Variants in IPCEF1 observed in about 807,000 individuals in gnomAD.
The protein encoded by IPCEF1 is interactor protein for cytohesin exchange factors 1.
IPCEF1 carries 31 observed loss-of-function variants against 50.9 expected under a neutral mutation model. The observed-to-expected ratio is 0.61, with a 90% CI of 0.46 to 0.82. The LOEUF is 0.82. Among genes scored for constraint, IPCEF1 ranks in the 40% least tolerant of loss-of-function variants. The pLI is 0.00. For synonymous variants in IPCEF1, 181 were observed against 192.0 expected (o/e 0.94, Z 0.47); for missense variants, 458 against 514.0 (o/e 0.89, Z 1.05).
chr6:154,223,523 C>T (rs770663090), intron 5 of IPCEF1, among the ~76,000 whole-genome samples: 3 of 149,654 alleles, frequency 2.0e-5, no homozygotes, highest in African/African-American at 7.5e-5. Context: ...CTGTCTCCAC[C>T]GGCCTCCTGT....
At chr6:154,310,282 C>G (rs1276733017) in intron 1 of IPCEF1, among the ~76,000 whole-genome samples, 1 of 152,206 alleles carries the variant, frequency 6.6e-6, no homozygotes, top group East Asian at 1.9e-4. Context: ...TGCTGAACAT[C>G]ACTAACCATC....
intron 1 of IPCEF1, among the ~76,000 whole-genome samples, chr6:154,322,538 C>T (rs1273631388): frequency 2.0e-5 from 3 of 151,796 alleles, no homozygotes; most frequent in Non-Finnish European, 2.9e-5. Flanking sequence ...GGTAAAACTG[C>T]CTCCTAAAGA....
intron 1 of IPCEF1, among the ~76,000 whole-genome samples, chr6:154,353,245 G>A (rs1479296448): frequency 1.3e-5 from 2 of 150,070 alleles, no homozygotes; most frequent in African/African-American, 2.4e-5. Flanking sequence ...GTTGGTGGAA[G>A]ATTTAAGGAG....
At chr6:154,290,423 C>G (rs1782484368) in intron 1 of IPCEF1, among the ~76,000 whole-genome samples, 1 of 152,212 alleles carries the variant, frequency 6.6e-6, no homozygotes, top group Non-Finnish European at 1.5e-5. Context: ...GTACTTGGAT[C>G]TCTCAAGTTG....
At chr6:154,197,518 A>C (rs1776711138) in intron 10 of IPCEF1, among the ~76,000 whole-genome samples, 1 of 152,234 alleles carries the variant, frequency 6.6e-6, no homozygotes, top group African/African-American at 2.4e-5. Context: ...TACCAAGAGG[A>C]ATACTGTCAC....
In IPCEF1 at chr6:154,174,346, C is replaced by A. The variant is rs1227795914; in HGVS notation, c.911-6233G>T. Among the ~76,000 whole-genome samples, 10 of 152,198 alleles carry A rather than the reference C, an allele frequency of 6.6e-5. No individual in the cohort carries two copies. The East Asian group carries it at 1.9e-3, about 29-fold the overall frequency. On this transcript the variant is annotated intron_variant, in intron 10 of 11. Transcript: ENST00000367220. The stretch of plus-strand genomic sequence containing the variant: ...AATATTAACCTTAAATGTAAATGGG[C>A]TAAATGTCCCAATTAAAAGACACGG...
chr6:154,300,728 C>G (rs1782770316), intron 1 of IPCEF1, among the ~76,000 whole-genome samples: 1 of 152,182 alleles, frequency 6.6e-6, no homozygotes, highest in Non-Finnish European at 1.5e-5. Flanking sequence ...ACACCAGATT[C>G]CCCATGGGCT....
chr6:154,202,882 C>G (rs1777184752), intron 9 of IPCEF1, among the ~76,000 whole-genome samples: 1 of 152,048 alleles, frequency 6.6e-6, no homozygotes, highest in Admixed American at 6.6e-5. Context: ...ATAGAAGAAA[C>G]ACGAAGACTT....
Position 154,199,899 on chromosome 6 carries a change from T to C in IPCEF1, c.679A>G (p.Asn227Asp), listed in dbSNP as rs200521250. ...TCATCTTCAGCAGCAGACAAACTGT[T>C]AACTGTGTCAGGCAAGGATTGTCTC... The part of the protein sequence containing the change: ...KERQSLPDTV[N>D]SLSAAEDEGQ... The change falls in exon 10 of 12, where the codon AAC becomes GAC. Residue 227 changes from asparagine to aspartate, a missense_variant. Asn to Asp is a conservative substitution (Grantham distance 23). Transcript: ENST00000367220. 9 of 1,614,180 alleles carry C rather than the reference T, an allele frequency of 5.6e-6. No homozygotes were observed. The African/African-American group carries it at 1.1e-4, about 19-fold the overall frequency.
chr6:154,254,416 A>G (rs1056963218), intron 3 of IPCEF1, among the ~76,000 whole-genome samples: 1 of 152,198 alleles, frequency 6.6e-6, no homozygotes, highest in Admixed American at 6.5e-5. Flanking sequence ...AGAGAGAAGC[A>G]GGAAGCACCA....
At chr6:154,224,380 A>C (rs533864565) in intron 5 of IPCEF1, among the ~76,000 whole-genome samples, 1 of 152,200 alleles carries the variant, frequency 6.6e-6, no homozygotes, top group African/African-American at 2.4e-5. Context: ...AACTTATCTA[A>C]ATTATTCACC....
In IPCEF1 at chr6:154,155,992, G is replaced by A. The variant is rs1436366663; in HGVS notation, c.*3836C>T. 1 of 152,108 alleles carries A rather than the reference G, an allele frequency of 6.6e-6. No homozygotes were observed. Among genetic ancestry groups the A allele is most frequent in the Admixed American group, 6.5e-5 (1 of 15,270 alleles). 9.4% of individuals were successfully genotyped at this position (152,108 alleles called of 1,614,324 possible). ...AGCAATTAAGAGAAGAAGGTCAAAG[G>A]ACCAACCTCTAATCACTAAGTTTGG... On this transcript the variant is annotated 3_prime_UTR_variant, in exon 12 of 12. Transcript: ENST00000367220.
At chr6:154,180,720 T>C (rs1411262360) in intron 10 of IPCEF1, among the ~76,000 whole-genome samples, 1 of 152,172 alleles carries the variant, frequency 6.6e-6, no homozygotes, top group Non-Finnish European at 1.5e-5. Context: ...AATGTGGCTG[T>C]TTATTTTCTA....
chr6:154,186,061 G>T (rs762680429), intron 10 of IPCEF1, among the ~76,000 whole-genome samples: 2 of 152,142 alleles, frequency 1.3e-5, no homozygotes, highest in Non-Finnish European at 1.5e-5. Context: ...CCTTCTCTGT[G>T]TTCTCTCTCC....
intron 5 of IPCEF1, among the ~76,000 whole-genome samples, chr6:154,242,415 A>G (rs1780669736): frequency 6.6e-6 from 1 of 152,210 alleles, no homozygotes; most frequent in African/African-American, 2.4e-5. Flanking sequence ...AATGCCGAAG[A>G]TTCTTAATTC....
chr6:154,329,633 AAAAGAAAG>A (rs202108280), intron 1 of IPCEF1, among the ~76,000 whole-genome samples: 1 of 149,370 alleles, frequency 6.7e-6, no homozygotes, highest in East Asian at 2.1e-4. Flanking sequence ...GAGAGAAAGA[AAAAGAAAG>A]AAAGAAAGAA....
chr6:154,295,911 G>GCACA (rs58745478), intron 1 of IPCEF1, among the ~76,000 whole-genome samples: 1 of 150,316 alleles, frequency 6.7e-6, no homozygotes, highest in Non-Finnish European at 1.5e-5. Flanking sequence ...ACACACACAC[G>GCACA]CACACACACA....
chr6:154,240,147 A>G (rs936871224), intron 5 of IPCEF1, among the ~76,000 whole-genome samples: 20 of 152,372 alleles, frequency 1.3e-4, no homozygotes, highest in African/African-American at 4.6e-4. Context: ...ATCAGTGTTC[A>G]ATAATAATGC....
chr6:154,296,583 A>AATCC, intron 1 of IPCEF1, among the ~76,000 whole-genome samples: 1 of 152,258 alleles, frequency 6.6e-6, no homozygotes, highest in South Asian at 2.1e-4. Flanking sequence ...TAATCCCAGC[A>AATCC]CTTTGGGAGG....
Sources: gnomAD v4.1 joint callset for allele counts (sites outside exome capture counted in the v4.1 genomes callset) on GRCh38, gnomAD v4.1.1 for gene constraint, MANE v1.5 for transcripts, NCBI Gene and HGNC (gene_info 2026-07-23, HGNC 2026-07-21) for gene names.